TMTC2: variants seen among roughly 807,000 people sequenced by gnomAD.
TMTC2 encodes the protein transmembrane O-mannosyltransferase targeting cadherins 2.
In TMTC2, 43 loss-of-function variants were observed where a neutral mutation model predicts 82.4. That is an observed-to-expected ratio of 0.52 (90% CI 0.41 to 0.67). The LOEUF is 0.67. TMTC2 is among the 30% of genes least tolerant of loss of function. TMTC2 has a pLI of 0.00. For synonymous variants in TMTC2, 408 were observed against 381.9 expected, an observed-to-expected ratio of 1.07 and a Z score of -0.80; for missense variants, 919 against 1,012.4, an observed-to-expected ratio of 0.91 and a Z score of 1.25.
At chr12:82,886,548 T>A (rs1859087059) in intron 2 of TMTC2, among the ~76,000 whole-genome samples, 1 of 152,190 alleles carries the variant, frequency 6.6e-6, no homozygotes, top group African/African-American at 2.4e-5. Flanking sequence ...CTGAATATCT[T>A]AAGATACTTT....
intron 3 of TMTC2, among the ~76,000 whole-genome samples, chr12:82,900,771 G>C (rs1406226499): frequency 8.4e-6 from 1 of 118,582 alleles, no homozygotes; most frequent in Non-Finnish European, 1.7e-5. Flanking sequence ...TATATAGAGA[G>C]GTATATATAT....
chr12:83,115,453 T>C (rs1276551207), intron 11 of TMTC2, among the ~76,000 whole-genome samples: 1 of 152,308 alleles, frequency 6.6e-6, no homozygotes, highest in South Asian at 2.1e-4. Flanking sequence ...TAAATTCTAC[T>C]TATTTTTATC....
chr12:82,756,840 A>G (rs1199402908), intron 1 of TMTC2, among the ~76,000 whole-genome samples: 4 of 152,172 alleles, frequency 2.6e-5, no homozygotes, highest in Admixed American at 2.0e-4. Flanking sequence ...TCACACAGCT[A>G]TAGTAGGGTT....
intron 1 of TMTC2, among the ~76,000 whole-genome samples, chr12:82,727,343 A>G (rs184137962): frequency 6.6e-6 from 1 of 152,214 alleles, no homozygotes; most frequent in Non-Finnish European, 1.5e-5. Context: ...CGGATTTTCA[A>G]TATGATTCTC....
chr12:82,870,897 G>A (rs1041008932), intron 2 of TMTC2, among the ~76,000 whole-genome samples: 17 of 152,184 alleles, frequency 1.1e-4, no homozygotes, highest in African/African-American at 3.9e-4. Flanking sequence ...AGTTGTCAAA[G>A]CAGCAGCCTG....
intron 4 of TMTC2, among the ~76,000 whole-genome samples, chr12:82,943,498 C>T (rs1364824657): frequency 6.6e-6 from 1 of 152,196 alleles, no homozygotes; most frequent in Non-Finnish European, 1.5e-5. Flanking sequence ...CACTGCATCC[C>T]TGCTAGTTTT....
At chr12:82,948,813 T>A (rs2137275683) in intron 4 of TMTC2, among the ~76,000 whole-genome samples, 1 of 152,136 alleles carries the variant, frequency 6.6e-6, no homozygotes, top group Non-Finnish European at 1.5e-5. Flanking sequence ...TTTTTGTAAT[T>A]TTTTTGAGTG....
intron 3 of TMTC2, among the ~76,000 whole-genome samples, chr12:82,929,447 A>G (rs1875904734): frequency 6.6e-6 from 1 of 152,212 alleles, no homozygotes; most frequent in Non-Finnish European, 1.5e-5. Flanking sequence ...GATAAAGTAA[A>G]CTGAAGCACA....
Position 83,132,785 on chromosome 12 carries a change from C to T in TMTC2, c.*396C>T, listed in dbSNP as rs1885305856. On this transcript the variant is annotated 3_prime_UTR_variant, in exon 12 of 12. Transcript: ENST00000321196. ...AGAGTGTCCATTCAGGCATGGCAAA[C>T]AATTAGGGTTAAGTGTTACGAGGGA... The T allele has an allele frequency of 5.3e-6, 1 of 189,056 alleles. No individual in the cohort carries two copies. Among genetic ancestry groups the T allele is most frequent in the African/African-American group, 2.4e-5 (1 of 41,766 alleles). 11.7% of individuals were successfully genotyped at this position (189,056 alleles called of 1,614,324 possible). A position where few individuals can be genotyped will look rare whatever the true frequency, so the allele number is the denominator to read the frequency against.
intron 8 of TMTC2, among the ~76,000 whole-genome samples, chr12:82,991,238 G>T (rs1361972712): frequency 2.6e-5 from 4 of 151,340 alleles, no homozygotes; most frequent in Admixed American, 6.6e-5. Flanking sequence ...TAAGTGTGGA[G>T]TTTTTTTTTC....
At chr12:82,828,871 G>T (rs117248914) in intron 1 of TMTC2, among the ~76,000 whole-genome samples, 1 of 152,036 alleles carries the variant, frequency 6.6e-6, no homozygotes, top group Admixed American at 6.6e-5. Flanking sequence ...GGAAATTTAT[G>T]TATTGCTTAA....
At chr12:82,781,628 T>A (rs912481384) in intron 1 of TMTC2, among the ~76,000 whole-genome samples, 3 of 151,924 alleles carry the variant, frequency 2.0e-5, no homozygotes, top group African/African-American at 7.2e-5. Flanking sequence ...TAATTACGTA[T>A]CATGCTACAC....
chr12:82,805,606 C>T (rs1266816686), intron 1 of TMTC2, among the ~76,000 whole-genome samples: 1 of 142,834 alleles, frequency 7.0e-6, no homozygotes, highest in Non-Finnish European at 1.5e-5. Context: ...CTCCGGGGTT[C>T]ACGCCATTCT....
At chr12:82,877,439 C>T (rs1872636652) in intron 2 of TMTC2, among the ~76,000 whole-genome samples, 2 of 152,072 alleles carry the variant, frequency 1.3e-5, no homozygotes, top group Admixed American at 6.6e-5. Flanking sequence ...TCCTAAAGAC[C>T]CCAGAAGTGA....
intron 1 of TMTC2, among the ~76,000 whole-genome samples, chr12:82,820,231 T>C (rs1188770221): frequency 6.6e-6 from 1 of 152,172 alleles, no homozygotes; most frequent in African/African-American, 2.4e-5. Flanking sequence ...CCGAGTCCAC[T>C]GACTGAAATG....
intron 1 of TMTC2, among the ~76,000 whole-genome samples, chr12:82,742,071 G>A (rs145047882): frequency 1.1e-4 from 16 of 152,214 alleles, no homozygotes; most frequent in African/African-American, 2.9e-4. Context: ...GGTCCACTGC[G>A]TACCATGTGG....
At chr12:82,802,135 G>T (rs1879039148) in intron 1 of TMTC2, among the ~76,000 whole-genome samples, 1 of 152,260 alleles carries the variant, frequency 6.6e-6, no homozygotes, top group Admixed American at 6.5e-5. Flanking sequence ...GCTCACGCAT[G>T]GTAGGCTGCA....
chr12:82,916,809 A>G (rs1238140017), intron 3 of TMTC2, among the ~76,000 whole-genome samples: 1 of 152,210 alleles, frequency 6.6e-6, no homozygotes, highest in Non-Finnish European at 1.5e-5. Context: ...ATCTATCTGA[A>G]ATAACTACAG....
At chr12:83,019,876 G>T (rs1880836823) in intron 8 of TMTC2, among the ~76,000 whole-genome samples, 1 of 152,062 alleles carries the variant, frequency 6.6e-6, no homozygotes, top group South Asian at 2.1e-4. Flanking sequence ...TAGTATGACT[G>T]ATAAGCCAGG....
Sources: gnomAD v4.1 joint callset for allele counts (sites outside exome capture counted in the v4.1 genomes callset) on GRCh38, gnomAD v4.1.1 for gene constraint, MANE v1.5 for transcripts, NCBI Gene and HGNC (gene_info 2026-07-23, HGNC 2026-07-21) for gene names.